The following CENPU variants were observed in gnomAD, a reference collection of about 807,000 sequenced individuals.
CENPU encodes KSHV latent nuclear antigen interacting protein 1.
A neutral mutation model predicts 56.7 loss-of-function variants in CENPU; 46 were observed. The observed-to-expected ratio is 0.81, with a 90% CI of 0.64 to 1.04. The LOEUF (loss-of-function observed/expected upper bound fraction) is 1.04, where lower values mean the gene tolerates loss of function less well. Ranked by LOEUF, CENPU falls within the 50% of genes least tolerant of loss-of-function variation. CENPU has a pLI of 0.00. For synonymous variants in CENPU, 166 were observed against 163.0 expected (o/e 1.02, Z -0.14); for missense variants, 510 against 490.1 (o/e 1.04, Z -0.38).
rs1387399784 is a variant in CENPU, at chr4:184,695,310, TCTAA to T, written c.1231_1234del (p.Leu411ArgfsTer33). 1 of 1,613,240 alleles carries T rather than the reference TCTAA, an allele frequency of 6.2e-7. No homozygotes were observed. The highest frequency in any genetic ancestry group is 2.2e-5 in the East Asian group (1 of 44,846). ...TTCTCATCCCTGGTCAAGGAGCTTCTCTAACTGATGGTTGATATTTCGCAGATGG... is the reference window on the plus strand; with the variant it reads ...TTCTCATCCCTGGTCAAGGAGCTTCTCTGATGGTTGATATTTCGCAGATGG... On this transcript the variant is annotated frameshift_variant, in exon 13 of 13. Coordinates refer to ENST00000281453, the MANE Select transcript of CENPU (RefSeq NM_024629.4). LOFTEE classifies it high-confidence loss of function.
intron 7 of CENPU, among the ~76,000 whole-genome samples, chr4:184,712,274 T>C (rs1295749317): frequency 6.6e-6 from 1 of 152,060 alleles, no homozygotes; most frequent in Non-Finnish European, 1.5e-5. Context: ...ACAACATAGA[T>C]GGATTGCAAA....
rs778905221 is a variant in CENPU, at chr4:184,694,490, C to G, written c.*798G>C. ...TATCCTGAGTAAATATTTTCCTATC[C>G]CACTCTCTATCCCTTCACCACTGAA... On this transcript the variant is annotated 3_prime_UTR_variant, in exon 13 of 13. Coordinates refer to ENST00000281453, the MANE Select transcript of CENPU (RefSeq NM_024629.4). 1 of 1,595,294 alleles carries G rather than the reference C, an allele frequency of 6.3e-7. No individual in the cohort carries two copies. Among genetic ancestry groups the G allele is most frequent in the African/African-American group, 1.3e-5 (1 of 74,166 alleles).
At chr4:184,701,321 G>A (rs1388341351) in intron 10 of CENPU, among the ~76,000 whole-genome samples, 1 of 152,110 alleles carries the variant, frequency 6.6e-6, no homozygotes, top group African/African-American at 2.4e-5. Context: ...TCCATTGTTA[G>A]ACATTCATAA....
intron 3 of CENPU, among the ~76,000 whole-genome samples, chr4:184,728,496 G>C (rs949371676): frequency 2.0e-5 from 3 of 152,078 alleles, no homozygotes; most frequent in Non-Finnish European, 4.4e-5. Flanking sequence ...CACACTCCAA[G>C]GAACACAGGT....
At chr4:184,696,649 A>G (rs1760334333) in intron 12 of CENPU, among the ~76,000 whole-genome samples, 1 of 151,686 alleles carries the variant, frequency 6.6e-6, no homozygotes, top group African/African-American at 2.4e-5. Flanking sequence ...TGAATTTAGA[A>G]GTGAATACAA....
intron 1 of CENPU, 145 bp from the exon 2 acceptor site, chr4:184,731,113 C>T (rs933136280): frequency 1.6e-6 from 1 of 622,772 alleles, no homozygotes; most frequent in African/African-American, 2.0e-5. Flanking sequence ...TAGGTCAAAT[C>T]CTATCACCAA....
intron 6 of CENPU, 82 bp downstream of exon 6, chr4:184,716,315 A>G: frequency 1.2e-6 from 1 of 820,576 alleles, no homozygotes; most frequent in Admixed American, 2.5e-5. Context: ...GATCTGAAGG[A>G]AAGAGAAAAT....
intron 4 of CENPU, among the ~76,000 whole-genome samples, chr4:184,718,471 AG>A: frequency 6.6e-6 from 1 of 152,220 alleles, no homozygotes; most frequent in Non-Finnish European, 1.5e-5. Context: ...ATACAGGCAA[AG>A]GGGAGCCCTA....
At chr4:184,709,001 A>T (rs1035300326) in intron 8 of CENPU, among the ~76,000 whole-genome samples, 1 of 150,696 alleles carries the variant, frequency 6.6e-6, no homozygotes, top group African/African-American at 2.4e-5. Flanking sequence ...AATTCAGAAC[A>T]TCAAAAAGTA....
intron 3 of CENPU, among the ~76,000 whole-genome samples, chr4:184,728,353 C>G (rs1761526917): frequency 6.6e-6 from 1 of 152,210 alleles, no homozygotes; most frequent in Admixed American, 6.5e-5. Context: ...AAATGCCTGA[C>G]TACTGCAGTT....
chr4:184,696,883 C>A (rs1228474345), intron 12 of CENPU, among the ~76,000 whole-genome samples: 1 of 142,884 alleles, frequency 7.0e-6, no homozygotes, highest in South Asian at 2.2e-4. Flanking sequence ...TGTTCCTTAA[C>A]TTTTTTTTTT....
chr4:184,698,731 G>A (rs941082541), intron 11 of CENPU, among the ~76,000 whole-genome samples: 6 of 152,316 alleles, frequency 3.9e-5, no homozygotes, highest in African/African-American at 1.4e-4. Context: ...CTACAGGCGT[G>A]AGCCAGGAAA....
At chr4:184,716,911 G>A (rs1475916163) in intron 5 of CENPU, among the ~76,000 whole-genome samples, 1 of 152,188 alleles carries the variant, frequency 6.6e-6, no homozygotes, top group Non-Finnish European at 1.5e-5. Flanking sequence ...ATAGAGATGT[G>A]AGACCTCTTT....
intron 6 of CENPU, 68 bp from the exon 7 acceptor site, chr4:184,713,081 C>G: frequency 4.0e-6 from 4 of 1,004,420 alleles, no homozygotes; most frequent in Non-Finnish European, 6.0e-6. Context: ...AGGATTAAGA[C>G]TGTCACCAAA....
chr4:184,730,847 A>T, intron 2 of CENPU, 73 bp downstream of exon 2: 1 of 1,208,022 alleles, frequency 8.3e-7, no homozygotes, highest in Non-Finnish European at 1.2e-6. Context: ...AAGTCTACAA[A>T]ACTGAGGTAC....
At chr4:184,698,001 C>A in intron 11 of CENPU, 198 bp from the exon 12 acceptor site, 1 of 526,106 alleles carries the variant, frequency 1.9e-6, no homozygotes, top group Non-Finnish European at 3.3e-6. Context: ...AAATACAATG[C>A]ACAATGAATA....
chr4:184,728,340 C>T (rs986844050), intron 3 of CENPU, among the ~76,000 whole-genome samples: 2 of 152,102 alleles, frequency 1.3e-5, no homozygotes, highest in African/African-American at 4.8e-5. Flanking sequence ...CTTATTCCAG[C>T]AAAAATGCCT....
chr4:184,733,533 G>T, intron 1 of CENPU: 2 of 454,702 alleles, frequency 4.4e-6, no homozygotes, highest in Non-Finnish European at 5.9e-6. Context: ...CCATCCTGGA[G>T]AACCGCAAGC....
intron 12 of CENPU, among the ~76,000 whole-genome samples, chr4:184,695,694 C>T (rs1210619563): frequency 6.6e-6 from 1 of 152,142 alleles, no homozygotes; most frequent in East Asian, 1.9e-4. Context: ...CAGGAAATCA[C>T]ATCTGGGACA....
Sources: gnomAD v4.1 joint callset for allele counts (sites outside exome capture counted in the v4.1 genomes callset) on GRCh38, gnomAD v4.1.1 for gene constraint, MANE v1.5 for transcripts, NCBI Gene and HGNC (gene_info 2026-07-23, HGNC 2026-07-21) for gene names.